The following SLC24A2 variants were observed in gnomAD, a reference collection of about 807,000 sequenced individuals.
SLC24A2 encodes the protein solute carrier family 24 member 2, also known as sodium/potassium/calcium exchanger 2.
SLC24A2 carries 36 observed loss-of-function variants against 62.0 expected under a neutral mutation model. The observed-to-expected ratio is 0.58, with a 90% confidence interval of 0.44 to 0.77. The LOEUF is 0.77. SLC24A2 is among the 30% of genes least tolerant of loss of function. SLC24A2 has a pLI of 0.00. For synonymous variants in SLC24A2, 358 were observed against 294.0 expected, an observed-to-expected ratio of 1.22 and a Z score of -2.23; for missense variants, 846 against 817.9, an observed-to-expected ratio of 1.03 and a Z score of -0.42.
chr9:19,839,173 A>G, the SLC24A2 span, among the ~76,000 whole-genome samples: 1 of 152,260 alleles, frequency 6.6e-6, no homozygotes, highest in South Asian at 2.1e-4. Context: ...GAGAAATGCA[A>G]ATGAAAACCA....
rs534917573 is a variant in SLC24A2, at chr9:19,574,519, C to T, written c.1229-1050G>A. 1.5e-3 allele frequency among the ~76,000 whole-genome samples: 235 copies of T among 152,228 alleles called. 1 individual carries two copies. Among genetic ancestry groups the T allele is most frequent in the African/African-American group, 5.4e-3 (224 of 41,530 alleles). Reference sequence around the variant, plus strand: ...ATCTGTAAAACTGGGGTGATGGTAACAATACTACTACTACTATTACTGTTG... The same window carrying T: ...ATCTGTAAAACTGGGGTGATGGTAATAATACTACTACTACTATTACTGTTG... On this transcript the variant is annotated intron_variant, in intron 6 of 10. Transcript: ENST00000341998.
chr9:20,286,102 T>C, the SLC24A2 span, among the ~76,000 whole-genome samples: 1 of 152,204 alleles, frequency 6.6e-6, no homozygotes, highest in South Asian at 2.1e-4. Context: ...TATGAAGAAC[T>C]TATGCCTGCA....
intron 2 of SLC24A2, among the ~76,000 whole-genome samples, chr9:19,676,087 A>G (rs1179954028): frequency 2.0e-5 from 3 of 152,138 alleles, no homozygotes; most frequent in African/African-American, 4.8e-5. Flanking sequence ...TCAGCTCTCT[A>G]AAATTTTCTC....
At chr9:20,105,699 G>A in the SLC24A2 span, among the ~76,000 whole-genome samples, 1 of 151,728 alleles carries the variant, frequency 6.6e-6, no homozygotes, top group Non-Finnish European at 1.5e-5. Context: ...ATTCAAAGCA[G>A]TGTGTAGAGG....
chr9:20,040,823 G>A, the SLC24A2 span, among the ~76,000 whole-genome samples: 2 of 152,302 alleles, frequency 1.3e-5, no homozygotes, highest in South Asian at 2.1e-4. Context: ...CTTTCCACAT[G>A]TATTTTGTAG....
chr9:19,977,187 G>A, the SLC24A2 span, among the ~76,000 whole-genome samples: 25 of 151,400 alleles, frequency 1.7e-4, no homozygotes, highest in Admixed American at 1.6e-3. Flanking sequence ...AATTGCATCA[G>A]GCAAAATGGA....
At chr9:20,148,962 T>C in the SLC24A2 span, among the ~76,000 whole-genome samples, 4 of 152,208 alleles carry the variant, frequency 2.6e-5, no homozygotes, top group Middle Eastern at 3.4e-3. Flanking sequence ...AGCAATAAGC[T>C]GGGAAAGTAG....
chr9:19,855,828 G>T, the SLC24A2 span, among the ~76,000 whole-genome samples: 2 of 152,176 alleles, frequency 1.3e-5, no homozygotes, highest in Non-Finnish European at 2.9e-5. Context: ...TTGAATGTTA[G>T]CCTGTCTTGC....
At chr9:19,865,009 A>G in the SLC24A2 span, among the ~76,000 whole-genome samples, 24 of 152,188 alleles carry the variant, frequency 1.6e-4, no homozygotes, top group South Asian at 2.3e-3. Context: ...AAATCAACAT[A>G]CAAAGGTCAG....
chr9:19,617,015 A>G (rs1817785605), intron 4 of SLC24A2, among the ~76,000 whole-genome samples: 2 of 152,138 alleles, frequency 1.3e-5, no homozygotes, highest in African/African-American at 4.8e-5. Flanking sequence ...ACAGAGTGAA[A>G]TTGAGTTTGG....
At chr9:19,845,015 A>G in the SLC24A2 span, among the ~76,000 whole-genome samples, 8 of 148,480 alleles carry the variant, frequency 5.4e-5, no homozygotes, top group African/African-American at 2.0e-4. Context: ...TTGGTTCCAT[A>G]TAAATTTTAG....
At chr9:20,008,912 C>A in the SLC24A2 span, among the ~76,000 whole-genome samples, 1 of 152,240 alleles carries the variant, frequency 6.6e-6, no homozygotes, top group Admixed American at 6.5e-5. Flanking sequence ...CACAGAAATC[C>A]AACTGGCAAC....
intron 7 of SLC24A2, among the ~76,000 whole-genome samples, chr9:19,565,988 G>C (rs1172108845): frequency 2.6e-5 from 4 of 151,812 alleles, no homozygotes; most frequent in African/African-American, 4.9e-5. Flanking sequence ...AGACTTAAAT[G>C]TTAGACCTAA....
the SLC24A2 span, among the ~76,000 whole-genome samples, chr9:20,210,940 G>C: frequency 6.6e-6 from 1 of 152,030 alleles, no homozygotes; most frequent in East Asian, 1.9e-4. Flanking sequence ...GTCTACCTTA[G>C]TCTGAACAGT....
the SLC24A2 span, among the ~76,000 whole-genome samples, chr9:20,109,227 G>A: frequency 3.3e-5 from 5 of 152,130 alleles, no homozygotes; most frequent in Non-Finnish European, 5.9e-5. Flanking sequence ...TTATCCTTAA[G>A]TGATATATGA....
At chr9:20,099,898 T>C in the SLC24A2 span, among the ~76,000 whole-genome samples, 1 of 152,224 alleles carries the variant, frequency 6.6e-6, no homozygotes, top group African/African-American at 2.4e-5. Context: ...CATGGGAATT[T>C]CACAAGTCTC....
chr9:19,825,277 T>A, the SLC24A2 span, among the ~76,000 whole-genome samples: 1 of 152,208 alleles, frequency 6.6e-6, no homozygotes, highest in Non-Finnish European at 1.5e-5. Flanking sequence ...CAATAGAAAG[T>A]CCAAGATCAG....
At chr9:19,913,692 A>C in the SLC24A2 span, among the ~76,000 whole-genome samples, 1 of 152,064 alleles carries the variant, frequency 6.6e-6, no homozygotes, top group Admixed American at 6.6e-5. Context: ...TATCAAATAC[A>C]ATTTGAAAAC....
At chr9:20,100,151 G>T in the SLC24A2 span, among the ~76,000 whole-genome samples, 8 of 152,092 alleles carry the variant, frequency 5.3e-5, no homozygotes, top group East Asian at 1.5e-3. Context: ...AGCTGGGATG[G>T]CAGGCGCATG....
Sources: allele counts gnomAD v4.1 joint callset (sites outside exome capture counted in the v4.1 genomes callset), GRCh38; gene constraint gnomAD v4.1.1; transcripts MANE v1.5; gene names NCBI Gene and HGNC (gene_info 2026-07-23, HGNC 2026-07-21).